OSBPL3: variants seen among roughly 807,000 people sequenced by gnomAD.
The protein encoded by OSBPL3 is oxysterol binding protein like 3.
Under a neutral mutation model 120.1 loss-of-function variants are expected in OSBPL3, and 65 were observed. The ratio of observed to expected loss-of-function variants is 0.54; its 90% confidence interval spans 0.44 to 0.67. The LOEUF is 0.67. Among genes scored for constraint, OSBPL3 ranks in the 30% least tolerant of loss-of-function variants. The pLI is 0.00. For synonymous variants in OSBPL3, 416 were observed against 402.6 expected, an observed-to-expected ratio of 1.03 and a Z score of -0.40; for missense variants, 1,004 against 1,082.1, an observed-to-expected ratio of 0.93 and a Z score of 1.01.
At chr7:24,915,981 A>G (rs1344303055) in intron 1 of OSBPL3, among the ~76,000 whole-genome samples, 1 of 152,234 alleles carries the variant, frequency 6.6e-6, no homozygotes, top group East Asian at 1.9e-4. Flanking sequence ...TTAGAGCTAC[A>G]GAGTGTTAAA....
chr7:24,822,833 T>A lies in OSBPL3; in HGVS notation c.1885-2595A>T, dbSNP rs1369022003. ...CCCAACCTTGATTTTTTTAAACTAT[T>A]GTGTTAGATAATGAATGAATGTTTA... On this transcript the variant is annotated intron_variant, in intron 16 of 22. Transcript: ENST00000313367. This position sits in a 1 kb window ranked among gnomAD's most constrained non-coding sequence, Gnocchi z 5.8. Among the ~76,000 whole-genome samples the A allele has an allele frequency of 6.6e-6, 1 of 152,214 alleles. No individual in the cohort carries two copies. The highest frequency in any genetic ancestry group is 1.5e-5 in the Non-Finnish European group (1 of 68,040).
In OSBPL3 at chr7:24,863,589, G is replaced by C; in HGVS notation, c.684C>G (p.His228Gln). 6.2e-7 allele frequency: 1 copy of C among 1,612,564 alleles called. No individual in the cohort carries two copies. Among genetic ancestry groups the C allele is most frequent in the Non-Finnish European group, 8.5e-7 (1 of 1,178,520 alleles). ...TCATTTCTACCAGGTAGGCATGACAGTGCGCCAGGTCTGTGGGGGAAAAGA... is the reference window on the plus strand; with the variant it reads ...TCATTTCTACCAGGTAGGCATGACACTGCGCCAGGTCTGTGGGGGAAAAGA... Reference protein sequence around the residue: ...DMEKCSKDLAHCHAYLVEMSQ... With the variant: ...DMEKCSKDLAQCHAYLVEMSQ... The change falls in exon 8 of 23, where the codon CAC becomes CAG. Residue 228 changes from histidine (H) to glutamine (Q), a missense_variant. Physicochemically the swap from His to Gln is conservative, Grantham distance 24. Around this residue, in one of 4 missense-constraint regions of OSBPL3, gnomAD observed 272 missense variants for 248.8 expected, o/e 1.09. Coordinates refer to ENST00000313367, the MANE Select transcript of OSBPL3 (RefSeq NM_015550.4). The surrounding 1 kb of genome is among the most constrained non-coding windows in gnomAD (Gnocchi z 5.8).
chr7:24,919,251 T>C (rs1320490631), intron 1 of OSBPL3, among the ~76,000 whole-genome samples: 2 of 152,144 alleles, frequency 1.3e-5, no homozygotes, highest in Non-Finnish European at 2.9e-5. Context: ...ACTTTGTGAT[T>C]TCAAGTTACT....
Position 24,940,744 on chromosome 7 carries a change from G to A in OSBPL3, c.-150+39142C>T, listed in dbSNP as rs928634401. Among the ~76,000 whole-genome samples the A allele has an allele frequency of 1.3e-5, 2 of 151,798 alleles. No individual in the cohort carries two copies. Among genetic ancestry groups the A allele is most frequent in the South Asian group, 4.2e-4 (2 of 4,808 alleles). On this transcript the variant is annotated intron_variant, in intron 1 of 22. Coordinates refer to ENST00000313367, the MANE Select transcript of OSBPL3 (RefSeq NM_015550.4). This position sits in a 1 kb window ranked among gnomAD's most constrained non-coding sequence, Gnocchi z 4.4. ...ATAACAACAGGCCAGGAACTCTAAGGCAAACAGGAGACAGCTACAAACCAA... is the reference window on the plus strand; with the variant it reads ...ATAACAACAGGCCAGGAACTCTAAGACAAACAGGAGACAGCTACAAACCAA...
At position 24,952,704 on chromosome 7, in the gene OSBPL3, G is replaced by A. The variant is rs148079100; in HGVS notation, c.-150+27182C>T. ...ATCAACTCTATAGAGATTATGGTAA[G>A]GTTATTTCCAGGATTCTAGGCCTGC... On this transcript the variant is annotated intron_variant, in intron 1 of 22. Transcript: ENST00000313367. The surrounding 1 kb of genome is among the most constrained non-coding windows in gnomAD (Gnocchi z 4.4). Among the ~76,000 whole-genome samples the A allele has an allele frequency of 4.1e-4, 63 of 152,292 alleles. No homozygotes were observed. Among genetic ancestry groups the A allele is most frequent in the African/African-American group, 1.5e-3 (62 of 41,550 alleles).
At chr7:24,876,545 T>C (rs1041954167) in intron 2 of OSBPL3, among the ~76,000 whole-genome samples, 2 of 152,160 alleles carry the variant, frequency 1.3e-5, no homozygotes, top group Non-Finnish European at 2.9e-5. Flanking sequence ...ATATATTTAG[T>C]AGGAACTAAG....
At chr7:24,828,443 A>C (rs1028194946) in intron 16 of OSBPL3, among the ~76,000 whole-genome samples, 3 of 151,992 alleles carry the variant, frequency 2.0e-5, no homozygotes, top group African/African-American at 7.2e-5. Flanking sequence ...TGCCATCTCT[A>C]TTAAAAATAC....
intron 10 of OSBPL3, among the ~76,000 whole-genome samples, chr7:24,858,385 C>T (rs1010984): frequency 0.38 from 57,621 of 152,070 alleles, 11,951 homozygotes; most frequent in East Asian, 0.61. Flanking sequence ...CAAGATGCTT[C>T]GAGTTTGAAT....
intron 15 of OSBPL3, among the ~76,000 whole-genome samples, chr7:24,832,612 T>C (rs1796540012): frequency 6.6e-6 from 1 of 152,134 alleles, no homozygotes; most frequent in Non-Finnish European, 1.5e-5. Flanking sequence ...TCTGTTCCTC[T>C]TCCTGCTTCT....
chr7:24,975,364 T>C (rs536485423), intron 1 of OSBPL3, among the ~76,000 whole-genome samples: 17 of 152,356 alleles, frequency 1.1e-4, no homozygotes, highest in Admixed American at 8.5e-4. Flanking sequence ...TGATGGCATA[T>C]TCTATTGCTT....
At chr7:24,903,883 ATTT>A (rs5882953) in intron 1 of OSBPL3, among the ~76,000 whole-genome samples, 2 of 138,924 alleles carry the variant, frequency 1.4e-5, no homozygotes, top group Non-Finnish European at 3.1e-5. Context: ...CTCACCACCA[ATTT>A]TTTTTTTTTT....
At chr7:24,975,538 A>G (rs2522236) in intron 1 of OSBPL3, among the ~76,000 whole-genome samples, 19,989 of 152,190 alleles carry the variant, frequency 0.13, 1,635 homozygotes, top group South Asian at 0.39. Flanking sequence ...ACTTTTTTCA[A>G]TTGAGCAGTT....
rs1163215869 is a variant in OSBPL3, at chr7:24,883,490, G to A, written c.96+8887C>T. Among the ~76,000 whole-genome samples the A allele has an allele frequency of 6.6e-6, 1 of 152,124 alleles. No individual in the cohort carries two copies. The highest frequency in any genetic ancestry group is 1.5e-5 in the Non-Finnish European group (1 of 68,022). On this transcript the variant is annotated intron_variant, in intron 2 of 22. Coordinates refer to ENST00000313367, the MANE Select transcript of OSBPL3 (RefSeq NM_015550.4). The surrounding 1 kb of genome is among the most constrained non-coding windows in gnomAD (Gnocchi z 5.4). Reference sequence around the variant, plus strand: ...TTACCTTGTACAGCTGCTATGCTGTGCTCTCAACCAGAGCATCTGGGCCAG... The same window carrying A: ...TTACCTTGTACAGCTGCTATGCTGTACTCTCAACCAGAGCATCTGGGCCAG...
intron 1 of OSBPL3, among the ~76,000 whole-genome samples, chr7:24,917,399 A>ATATATATATAT (rs1194293107): frequency 1.6e-4 from 7 of 42,984 alleles, no homozygotes; most frequent in African/African-American, 6.1e-4. Flanking sequence ...ATATATTTGT[A>ATATATATATAT]ACATATATAT....
In OSBPL3 at chr7:24,900,374, A is replaced by G. The variant is rs1806813139; in HGVS notation, c.-149-7753T>C. On this transcript the variant is annotated intron_variant, in intron 1 of 22. Transcript: ENST00000313367. The surrounding 1 kb of genome is among the most constrained non-coding windows in gnomAD (Gnocchi z 4.5). ...ATGTTTTTGTGACCAGAAATATGCC[A>G]CAGGAAACATGCCATTGTTTTTATC... Among the ~76,000 whole-genome samples the G allele has an allele frequency of 6.6e-6, 1 of 152,224 alleles. No homozygotes were observed. The highest frequency in any genetic ancestry group is 1.9e-4 in the East Asian group (1 of 5,202).
In OSBPL3 at chr7:24,834,563, G is replaced by A. The variant is rs1796767923; in HGVS notation, c.1669C>T (p.Gln557Ter). The change falls in exon 15 of 23, where the codon CAG becomes TAG. Residue 557 changes from glutamine to a stop codon, truncating the protein, a stop_gained. Transcript: ENST00000313367. LOFTEE classifies it high-confidence loss of function. This position sits in a 1 kb window ranked among gnomAD's most constrained non-coding sequence, Gnocchi z 5.2. ...VELNEPLNTLQRLCEELEYSE... is the reference protein window; with the variant it reads ...VELNEPLNTL ...TACTCCAGCTCCTCGCAGAGCCTCT[G>A]CAGCGTGTTCAGGGGCTCGTTCAGC... 1.9e-6 allele frequency: 3 copies of A among 1,614,106 alleles called. No individual in the cohort carries two copies. Among genetic ancestry groups the A allele is most frequent in the Non-Finnish European group, 8.5e-7 (1 of 1,180,038 alleles).
At chr7:24,814,748 T>C (rs1794262765) in intron 19 of OSBPL3, among the ~76,000 whole-genome samples, 1 of 152,212 alleles carries the variant, frequency 6.6e-6, no homozygotes, top group Non-Finnish European at 1.5e-5. Flanking sequence ...ATATTCGTCC[T>C]TTTGGGGCTG....
rs112324618 is a variant in OSBPL3 at position 24,917,074 on chromosome 7, G to T, written c.-149-24453C>A. Among the ~76,000 whole-genome samples, 1,365 of 152,172 alleles carry T rather than the reference G, an allele frequency of 9.0e-3. 21 individuals are homozygous for T. The highest frequency in any genetic ancestry group is 0.031 in the African/African-American group (1,304 of 41,510). ...CCATATTTGTAACTATATACAATTT[G>T]CTCTACCACAGAACTCCAAGAATGC... On this transcript the variant is annotated intron_variant, in intron 1 of 22. Transcript: ENST00000313367.
intron 2 of OSBPL3, among the ~76,000 whole-genome samples, chr7:24,885,055 G>A (rs993893583): frequency 1.3e-5 from 2 of 151,870 alleles, no homozygotes; most frequent in African/African-American, 4.8e-5. Flanking sequence ...AGGCCGAAGG[G>A]GGTGGATCAC....
Sources: allele counts gnomAD v4.1 joint callset (sites outside exome capture counted in the v4.1 genomes callset), GRCh38; gene constraint gnomAD v4.1.1; regional missense constraint gnomAD v4.1.1; non-coding constraint Gnocchi (gnomAD v3.1); transcripts MANE v1.5; gene names NCBI Gene and HGNC (gene_info 2026-07-23, HGNC 2026-07-21).